HKDC1: variants seen among roughly 807,000 people sequenced by gnomAD.
HKDC1 encodes hexokinase HKDC1.
A neutral mutation model predicts 96.6 loss-of-function variants in HKDC1; 66 were observed. The ratio of observed to expected loss-of-function variants is 0.68; its 90% CI spans 0.56 to 0.84. The LOEUF (loss-of-function observed/expected upper bound fraction) is 0.84, where lower values mean the gene tolerates loss of function less well. Among genes scored for constraint, HKDC1 ranks in the 40% least tolerant of loss-of-function variants. The probability of loss-of-function intolerance (pLI) is 0.00; values close to 1 mark genes in which losing one functional copy is unlikely to be tolerated. For synonymous variants in HKDC1, 466 were observed against 473.1 expected (o/e 0.98, Z 0.20); for missense variants, 1,211 against 1,208.1 (o/e 1.00, Z -0.04).
Position 69,250,371 on chromosome 10 carries a change from C to A in HKDC1, c.1652C>A (p.Ser551Ter). 2 of 1,614,150 alleles carry A rather than the reference C, an allele frequency of 1.2e-6. No homozygotes were observed. Among genetic ancestry groups the A allele is most frequent in the Non-Finnish European group, 1.7e-6 (2 of 1,180,004 alleles). Residue 551 changes from serine to a stop codon, truncating the protein, a stop_gained, in exon 11 of 18, where the codon TCA becomes TAA. Transcript: ENST00000354624. LOFTEE classifies it high-confidence loss of function. Reference protein sequence around the residue: ...LLVKIRSGRRSVRMYNKIFAI... With the variant: ...LLVKIRSGRR ...GTGAAGATCAGAAGTGGACGGAGGT[C>A]AGTGCGAATGTACAACAAGATCTTC...
intron 12 of HKDC1, among the ~76,000 whole-genome samples, chr10:69,256,746 C>G (rs1843721589): frequency 6.6e-6 from 1 of 151,932 alleles, no homozygotes; most frequent in South Asian, 2.1e-4. Flanking sequence ...GAAGTAGGAT[C>G]ACTATGATCC....
chr10:69,261,519 C>T, intron 16 of HKDC1: 1 of 464,776 alleles, frequency 2.2e-6, no homozygotes, highest in Non-Finnish European at 3.9e-6. Context: ...CTGTCCCCAT[C>T]CTCAGGCTGG....
chr10:69,258,128 C>T (rs910846096), intron 14 of HKDC1, among the ~76,000 whole-genome samples: 20 of 152,142 alleles, frequency 1.3e-4, no homozygotes, highest in African/African-American at 4.3e-4. Flanking sequence ...ATCTCCCATG[C>T]CAGGTAAGAG....
At chr10:69,221,281 A>G (rs910827699) in intron 1 of HKDC1, among the ~76,000 whole-genome samples, 1 of 152,178 alleles carries the variant, frequency 6.6e-6, no homozygotes, top group Non-Finnish European at 1.5e-5. Context: ...CTATTTGCCA[A>G]TGGTACACTA....
intron 4 of HKDC1, among the ~76,000 whole-genome samples, chr10:69,234,954 G>T (rs2132342872): frequency 6.6e-6 from 1 of 152,342 alleles, no homozygotes; most frequent in Admixed American, 6.5e-5. Context: ...AAAGGACTGA[G>T]AAAAATAATA....
At position 69,232,797 on chromosome 10, in the gene HKDC1, G is replaced by T; in HGVS notation, c.260G>T (p.Gly87Val). 1.2e-6 allele frequency: 2 copies of T among 1,614,150 alleles called. No individual in the cohort carries two copies. The highest frequency in any genetic ancestry group is 2.2e-5 in the East Asian group (1 of 44,884). ...GAGTTCCTTTCCCTGGATCTCGGAG[G>T]GTCCAAGTTCCGAGTGCTGAAGGTG... ...NGEFLSLDLG[G>V]SKFRVLKVQV... The change falls in exon 3 of 18, where the codon GGG (glycine) becomes GTG (valine). Residue 87 changes from glycine to valine, a missense_variant. Gly to Val is a moderately radical substitution (Grantham distance 109). Coordinates refer to ENST00000354624, the MANE Select transcript of HKDC1 (RefSeq NM_025130.4).
At chr10:69,229,355 G>A (rs567542764) in intron 2 of HKDC1, among the ~76,000 whole-genome samples, 1 of 152,364 alleles carries the variant, frequency 6.6e-6, no homozygotes, top group Admixed American at 6.5e-5. Flanking sequence ...TTGTGGGTAG[G>A]TGCTTGGGAT....
chr10:69,236,910 TA>T (rs1843371096), intron 4 of HKDC1, among the ~76,000 whole-genome samples: 1 of 152,152 alleles, frequency 6.6e-6, no homozygotes, highest in Non-Finnish European at 1.5e-5. Flanking sequence ...AGTTAAGTAG[TA>T]AAGTTCCAAC....
chr10:69,255,447 G>A (rs567455844), intron 12 of HKDC1, among the ~76,000 whole-genome samples: 25 of 152,058 alleles, frequency 1.6e-4, no homozygotes, highest in Non-Finnish European at 2.9e-4. Flanking sequence ...CGGGGCTGAC[G>A]GCACTGCCAT....
chr10:69,244,664 TAAA>T (rs11348828), intron 7 of HKDC1, among the ~76,000 whole-genome samples: 3 of 149,784 alleles, frequency 2.0e-5, no homozygotes, highest in Non-Finnish European at 3.0e-5. Flanking sequence ...AAATAAAAAT[TAAA>T]AAAAAAAAAT....
In HKDC1 at chr10:69,248,713, C is replaced by T; in HGVS notation, c.1555C>T (p.Leu519=). The T allele has an allele frequency of 6.2e-7, 1 of 1,607,902 alleles. No individual in the cohort carries two copies. The highest frequency in any genetic ancestry group is 8.5e-7 in the Non-Finnish European group (1 of 1,176,002). The change falls in exon 10 of 18, where the codon CTG becomes TTG. Residue 519 remains leucine, a synonymous_variant. Coordinates refer to ENST00000354624, the MANE Select transcript of HKDC1 (RefSeq NM_025130.4). Reference sequence around the variant, plus strand: ...GATGCTGCCCACCTACGTCTGCGGGCTGCCGGACGGCACAGGTGGGCCAGC... The same window carrying T: ...GATGCTGCCCACCTACGTCTGCGGGTTGCCGGACGGCACAGGTGGGCCAGC... ...VRMLPTYVCG[L]PDGTEKGKFL...
Position 69,222,314 on chromosome 10 carries a change from A to C in HKDC1, c.63+1816A>C, listed in dbSNP as rs562348833. ...AACTCCCACTAAATTCTATTCATTT[A>C]GAGAGTTGAGTTAGAGGTTGTAGCA... On this transcript the variant is annotated intron_variant, in intron 1 of 17. Coordinates refer to ENST00000354624, the MANE Select transcript of HKDC1 (RefSeq NM_025130.4). Among the ~76,000 whole-genome samples, 4 of 152,372 alleles carry C rather than the reference A, an allele frequency of 2.6e-5. No individual in the cohort carries two copies. In the East Asian group the frequency reaches 7.7e-4, roughly 29 times the overall value.
rs567387819 is a variant in HKDC1, at chr10:69,240,184, G to A, written c.592-468G>A. Among the ~76,000 whole-genome samples, 24 of 152,224 alleles carry A rather than the reference G, an allele frequency of 1.6e-4. No individual in the cohort carries two copies. The South Asian group carries it at 2.7e-3, about 17-fold the overall frequency. On this transcript the variant is annotated intron_variant, in intron 5 of 17. Coordinates refer to ENST00000354624, the MANE Select transcript of HKDC1 (RefSeq NM_025130.4). Reference sequence around the variant, plus strand: ...AGGCTGAAACCTGGGTGTGATGTGTGCCTGTAGTCTCAGCTACTCAGGAGG... The same window carrying A: ...AGGCTGAAACCTGGGTGTGATGTGTACCTGTAGTCTCAGCTACTCAGGAGG...
At chr10:69,251,934 A>G (rs778377292) in intron 12 of HKDC1, among the ~76,000 whole-genome samples, 7 of 151,634 alleles carry the variant, frequency 4.6e-5, no homozygotes, top group African/African-American at 9.7e-5. Flanking sequence ...TAATTTTTGT[A>G]TTTTTAGTAG....
At chr10:69,260,248 G>T (rs1191403250) in intron 15 of HKDC1, among the ~76,000 whole-genome samples, 1 of 152,348 alleles carries the variant, frequency 6.6e-6, no homozygotes, top group East Asian at 1.9e-4. Context: ...GACCAAGACT[G>T]GCCCTGGTGG....
intron 2 of HKDC1, 134 bp downstream of exon 2, chr10:69,227,503 C>T (rs1211598347): frequency 4.3e-6 from 4 of 936,622 alleles, no homozygotes; most frequent in Non-Finnish European, 6.3e-6. Context: ...CCCTGCCCCT[C>T]TCTGCTTCAG....
chr10:69,237,303 G>C (rs1056778974), intron 4 of HKDC1, among the ~76,000 whole-genome samples: 1 of 151,620 alleles, frequency 6.6e-6, no homozygotes, highest in Admixed American at 6.6e-5. Context: ...GTGTGTGTGT[G>C]TGTGTGTGTG....
intron 4 of HKDC1, 34 bp from the exon 5 acceptor site, chr10:69,239,008 T>C (rs1232395836): frequency 2.6e-6 from 4 of 1,520,058 alleles, no homozygotes; most frequent in Admixed American, 1.7e-5. Context: ...TCAGCACGTC[T>C]TTCATTCAAA....
rs530913438 is a variant in HKDC1, at chr10:69,247,092, C to T, written c.1032-268C>T. On this transcript the variant is annotated intron_variant, in intron 8 of 17. Transcript: ENST00000354624. Reference sequence around the variant, plus strand: ...TCTGCACTCACATCTCTCATCTGTACGACAGGGTAATGACGGTGCCTCCCG... The same window carrying T: ...TCTGCACTCACATCTCTCATCTGTATGACAGGGTAATGACGGTGCCTCCCG... Among the ~76,000 whole-genome samples the T allele has an allele frequency of 2.6e-5, 4 of 152,310 alleles. No individual in the cohort carries two copies. In the South Asian group the frequency reaches 6.2e-4, roughly 24 times the overall value.
Sources: gnomAD v4.1 joint callset for allele counts (sites outside exome capture counted in the v4.1 genomes callset) on GRCh38, gnomAD v4.1.1 for gene constraint, MANE v1.5 for transcripts, NCBI Gene and HGNC (gene_info 2026-07-23, HGNC 2026-07-21) for gene names.